CSTPP1: variants seen among roughly 807,000 people sequenced by gnomAD.
CSTPP1 encodes the protein centriolar satellite-associated tubulin polyglutamylase complex regulator 1.
the CSTPP1 span, among the ~76,000 whole-genome samples, chr11:47,152,047 C>T: frequency 3.6e-4 from 55 of 152,082 alleles, 1 homozygote; most frequent in Non-Finnish European, 3.5e-4. Flanking sequence ...GTCAAGAGTT[C>T]GAGACCAGCC....
chr11:47,154,232 T>A, the CSTPP1 span, among the ~76,000 whole-genome samples: 1 of 152,076 alleles, frequency 6.6e-6, no homozygotes, highest in Non-Finnish European at 1.5e-5. Context: ...CCACCGCGCC[T>A]GGCCAAAAAC....
chr11:46,959,980 C>CCTTA, the CSTPP1 span, among the ~76,000 whole-genome samples: 1 of 151,514 alleles, frequency 6.6e-6, no homozygotes, highest in Non-Finnish European at 1.5e-5. Context: ...AATTCTTCTG[C>CCTTA]CTTAGCTTCC....
At chr11:47,039,301 G>C in the CSTPP1 span, among the ~76,000 whole-genome samples, 75 of 128,020 alleles carry the variant, frequency 5.9e-4, 4 homozygotes, top group African/African-American at 1.7e-3. Context: ...AGGAGCTGGA[G>C]ACCAGCCCAG....
At chr11:47,000,970 T>C in the CSTPP1 span, among the ~76,000 whole-genome samples, 1 of 152,188 alleles carries the variant, frequency 6.6e-6, no homozygotes, top group African/African-American at 2.4e-5. Flanking sequence ...GTTACATAGC[T>C]GGTAACTGTA....
the CSTPP1 span, among the ~76,000 whole-genome samples, chr11:47,029,463 G>A: frequency 1.3e-5 from 2 of 151,890 alleles, no homozygotes. Context: ...AAAAAAATTA[G>A]CCGGGCATGG....
At chr11:47,086,106 A>T in the CSTPP1 span, among the ~76,000 whole-genome samples, 1 of 151,692 alleles carries the variant, frequency 6.6e-6, no homozygotes, top group Non-Finnish European at 1.5e-5. Flanking sequence ...ATAAGTTAAG[A>T]GGCCTGGCAC....
At chr11:46,953,784 G>T in the CSTPP1 span, among the ~76,000 whole-genome samples, 7 of 152,300 alleles carry the variant, frequency 4.6e-5, no homozygotes, top group African/African-American at 1.7e-4. Flanking sequence ...CAGGTCTTAA[G>T]GTGATCTTAA....
chr11:46,947,730 C>G, the CSTPP1 span, among the ~76,000 whole-genome samples: 22,568 of 152,156 alleles, frequency 0.15, 2,815 homozygotes, highest in East Asian at 0.65. Context: ...ATACTATTAT[C>G]TAGCCCCGAG....
the CSTPP1 span, among the ~76,000 whole-genome samples, chr11:47,011,643 C>T: frequency 6.6e-6 from 1 of 152,192 alleles, no homozygotes; most frequent in Non-Finnish European, 1.5e-5. Flanking sequence ...TCACTTTTTC[C>T]AAGAACTACG....
At chr11:46,991,690 A>G in the CSTPP1 span, 2 of 151,964 alleles carry the variant, frequency 1.3e-5, no homozygotes, top group African/African-American at 4.8e-5. Flanking sequence ...TCCCCTCCCC[A>G]TCTCTGTTAC....
At chr11:46,953,396 G>A in the CSTPP1 span, among the ~76,000 whole-genome samples, 1 of 152,148 alleles carries the variant, frequency 6.6e-6, no homozygotes. Flanking sequence ...CCATTGTACA[G>A]GGAGAGAGGG....
the CSTPP1 span, among the ~76,000 whole-genome samples, chr11:46,968,911 A>T: frequency 0.08 from 12,144 of 151,982 alleles, 510 homozygotes; most frequent in Non-Finnish European, 0.089. Flanking sequence ...TAATAATAAT[A>T]AAAAAAAGAG....
chr11:47,081,541 G>A, the CSTPP1 span, among the ~76,000 whole-genome samples: 1 of 152,214 alleles, frequency 6.6e-6, no homozygotes, highest in Non-Finnish European at 1.5e-5. Flanking sequence ...TTGAACTCAG[G>A]TGCTAGCTCC....
At chr11:47,078,167 CAT>C in the CSTPP1 span, among the ~76,000 whole-genome samples, 8 of 152,188 alleles carry the variant, frequency 5.3e-5, no homozygotes, top group Non-Finnish European at 1.0e-4. Context: ...GCAGTATAAA[CAT>C]ATTATTTAAA....
At chr11:47,103,086 A>G in the CSTPP1 span, among the ~76,000 whole-genome samples, 1 of 151,532 alleles carries the variant, frequency 6.6e-6, no homozygotes, top group Non-Finnish European at 1.5e-5. Context: ...GGAATAATTG[A>G]CTAAATAGTA....
At chr11:46,996,313 T>TA in the CSTPP1 span, among the ~76,000 whole-genome samples, 1 of 151,434 alleles carries the variant, frequency 6.6e-6, no homozygotes, top group Non-Finnish European at 1.5e-5. Flanking sequence ...TTATTTTATT[T>TA]TTTTTTTTGA....
At chr11:47,038,530 C>T in the CSTPP1 span, among the ~76,000 whole-genome samples, 4 of 97,404 alleles carry the variant, frequency 4.1e-5, no homozygotes, top group East Asian at 3.0e-4. Flanking sequence ...TAGGGGCGGC[C>T]GGGCAGAGGC....
chr11:47,088,942 A>G, the CSTPP1 span, among the ~76,000 whole-genome samples: 5 of 152,314 alleles, frequency 3.3e-5, no homozygotes, highest in African/African-American at 1.2e-4. Flanking sequence ...GTGATATTAT[A>G]TGGTTTTGTT....
chr11:46,995,631 G>A, the CSTPP1 span, among the ~76,000 whole-genome samples: 11 of 152,178 alleles, frequency 7.2e-5, no homozygotes, highest in Non-Finnish European at 1.6e-4. Flanking sequence ...ATTGCACTGT[G>A]GTCTGAGAGA....
Sources: allele counts gnomAD v4.1 joint callset (sites outside exome capture counted in the v4.1 genomes callset), GRCh38; gene constraint gnomAD v4.1.1; transcripts MANE v1.5; gene names NCBI Gene and HGNC (gene_info 2026-07-23, HGNC 2026-07-21).